The following SH3D19 variants were observed in gnomAD, a reference collection of about 807,000 sequenced individuals.
The protein encoded by SH3D19 is SH3 domain-containing protein 19.
A neutral mutation model predicts 112.1 loss-of-function variants in SH3D19; 58 were observed. That is an observed-to-expected ratio of 0.52 (90% CI 0.42 to 0.64). SH3D19 has a LOEUF of 0.64. SH3D19 is among the 30% of genes least tolerant of loss of function. The probability of loss-of-function intolerance (pLI) is 0.00; values close to 1 mark genes in which losing one functional copy is unlikely to be tolerated. For synonymous variants in SH3D19, 391 were observed against 448.5 expected (o/e 0.87, Z 1.62); for missense variants, 1,090 against 1,263.4 (o/e 0.86, Z 2.08).
chr4:151,273,951 A>C (rs1464330647), intron 1 of SH3D19, among the ~76,000 whole-genome samples: 1 of 152,324 alleles, frequency 6.6e-6, no homozygotes, highest in South Asian at 2.1e-4. Context: ...TGCCGGTTGT[A>C]ATGTTAATTT....
chr4:151,164,296 G>A (rs11099788), intron 8 of SH3D19, among the ~76,000 whole-genome samples: 128,459 of 152,120 alleles, frequency 0.84, 55,357 homozygotes, highest in Non-Finnish European at 0.95. Context: ...TCAGATGCCC[G>A]CAGAGAAAGC....
At chr4:151,197,797 C>T (rs1763697834) in intron 2 of SH3D19, among the ~76,000 whole-genome samples, 2 of 152,084 alleles carry the variant, frequency 1.3e-5, no homozygotes, top group Admixed American at 6.6e-5. Context: ...AAAACAAATA[C>T]ATATTTTAAG....
intron 1 of SH3D19, among the ~76,000 whole-genome samples, chr4:151,244,626 G>A (rs988532965): frequency 2.0e-5 from 3 of 152,226 alleles, no homozygotes; most frequent in African/African-American, 7.2e-5. Context: ...AGTGTGTACA[G>A]TCAAGTGAAA....
At chr4:151,270,259 T>C (rs550269040) in intron 1 of SH3D19, among the ~76,000 whole-genome samples, 56 of 152,290 alleles carry the variant, frequency 3.7e-4, no homozygotes, top group Admixed American at 9.2e-4. Context: ...TGGGAGGTGA[T>C]TGGATCACAG....
Position 151,183,251 on chromosome 4 carries a change from C to T in SH3D19, c.194-3854G>A, listed in dbSNP as rs186105648. Among the ~76,000 whole-genome samples, 522 of 152,238 alleles carry T rather than the reference C, an allele frequency of 3.4e-3. 5 individuals are homozygous for T. Among genetic ancestry groups the T allele is most frequent in the African/African-American group, 0.012 (489 of 41,530 alleles). ...AGGTGATCCGCCCGCCTCAGCCTCCCAAAGTGCTGGGATTATAGGTGTGAG... is the reference window on the plus strand; with the variant it reads ...AGGTGATCCGCCCGCCTCAGCCTCCTAAAGTGCTGGGATTATAGGTGTGAG... On this transcript the variant is annotated intron_variant, in intron 3 of 19. Transcript: ENST00000604030.
At position 151,318,580 on chromosome 4, in the gene SH3D19, C is replaced by T. The variant is rs565361428; in HGVS notation, c.112+6661G>A. ...TATTCCCAAGTGAAGAAAATGCAGA[C>T]TCAACTGTGAAATATTTTATCAATA... On this transcript the variant is annotated intron_variant, in intron 1 of 19. Transcript: ENST00000604030. Among the ~76,000 whole-genome samples, 24 of 152,202 alleles carry T rather than the reference C, an allele frequency of 1.6e-4. No homozygotes were observed. The South Asian group carries it at 2.3e-3, about 14-fold the overall frequency.
At chr4:151,287,245 G>C (rs1261012162) in intron 1 of SH3D19, among the ~76,000 whole-genome samples, 3 of 150,832 alleles carry the variant, frequency 2.0e-5, no homozygotes, top group African/African-American at 7.3e-5. Context: ...GGAGGCTGAG[G>C]GAGGAGAATC....
At chr4:151,305,722 T>C in intron 1 of SH3D19, among the ~76,000 whole-genome samples, 1 of 152,248 alleles carries the variant, frequency 6.6e-6, no homozygotes, top group Non-Finnish European at 1.5e-5. Flanking sequence ...CATACATTGC[T>C]GGTGATAACA....
intron 2 of SH3D19, among the ~76,000 whole-genome samples, chr4:151,200,435 T>C (rs960784188): frequency 4.6e-5 from 7 of 152,196 alleles, no homozygotes; most frequent in African/African-American, 1.7e-4. Context: ...AAACTTACAA[T>C]TAAAGTAAAG....
Position 151,149,548 on chromosome 4 carries a change from G to A in SH3D19, c.1769C>T (p.Pro590Leu). ...ERTRNLESNH[P>L]GQTGGFVRVP... ...TCGCACAAAACCTCCTGTTTGACCT[G>A]GGTGGTTGGATTCCTGCAAGTAGCA... Residue 590 changes from proline (P) to leucine (L), a missense_variant, in exon 10 of 20, where the codon CCA becomes CTA. Pro to Leu is a moderately conservative substitution (Grantham distance 98). Coordinates refer to ENST00000604030, the MANE Select transcript of SH3D19 (RefSeq NM_001378122.1). The A allele has an allele frequency of 6.2e-7, 1 of 1,611,264 alleles. No individual in the cohort carries two copies. The highest frequency in any genetic ancestry group is 8.5e-7 in the Non-Finnish European group (1 of 1,178,576).
chr4:151,272,012 T>C (rs1773263548), intron 1 of SH3D19, among the ~76,000 whole-genome samples: 2 of 152,178 alleles, frequency 1.3e-5, no homozygotes, highest in African/African-American at 4.8e-5. Flanking sequence ...CTGTAAGAGC[T>C]GTGTTCAGGA....
chr4:151,291,807 C>T (rs951658393), intron 1 of SH3D19, among the ~76,000 whole-genome samples: 5 of 152,130 alleles, frequency 3.3e-5, no homozygotes, highest in Non-Finnish European at 7.3e-5. Context: ...GGGTCTACCT[C>T]GTGCCCATGG....
At chr4:151,233,775 C>A (rs557149544) in intron 1 of SH3D19, among the ~76,000 whole-genome samples, 1 of 152,294 alleles carries the variant, frequency 6.6e-6, no homozygotes, top group African/African-American at 2.4e-5. Context: ...TCAGACTATC[C>A]GTCTATAGCA....
At chr4:151,145,113 C>T (rs994907610) in intron 11 of SH3D19, among the ~76,000 whole-genome samples, 1 of 152,130 alleles carries the variant, frequency 6.6e-6, no homozygotes, top group South Asian at 2.1e-4. Context: ...TACCCAGATT[C>T]CTGGCTAGCA....
intron 2 of SH3D19, among the ~76,000 whole-genome samples, chr4:151,198,179 C>G (rs1763763158): frequency 6.6e-6 from 1 of 151,180 alleles, no homozygotes; most frequent in Non-Finnish European, 1.5e-5. Flanking sequence ...GTGGCACATG[C>G]CTGTAGTCCC....
chr4:151,272,169 T>A (rs1381138116), intron 1 of SH3D19, among the ~76,000 whole-genome samples: 1 of 152,196 alleles, frequency 6.6e-6, no homozygotes, highest in South Asian at 2.1e-4. Flanking sequence ...TATAGACAGA[T>A]AATGTAGGCA....
chr4:151,195,390 AAAAAAAAGAAAAAG>A (rs1561320978), intron 2 of SH3D19, among the ~76,000 whole-genome samples: 6 of 140,600 alleles, frequency 4.3e-5, no homozygotes, highest in African/African-American at 1.9e-4. Flanking sequence ...AAAAAAAAAA[AAAAAAAAGAAAAAG>A]AAAAAAAGAG....
chr4:151,318,318 AAAAG>A (rs1177642185), intron 1 of SH3D19, among the ~76,000 whole-genome samples: 1 of 149,796 alleles, frequency 6.7e-6, no homozygotes, highest in Non-Finnish European at 1.5e-5. Context: ...AAAAAAAAAA[AAAAG>A]AAAGAAAGAA....
intron 2 of SH3D19, among the ~76,000 whole-genome samples, chr4:151,213,325 GTGGCAAACTTCA>G (rs1766287709): frequency 6.6e-6 from 1 of 152,190 alleles, no homozygotes; most frequent in Non-Finnish European, 1.5e-5. Context: ...GTCAATCGAT[GTGGCAAACTTCA>G]TGGCTGTCTT....
Sources: allele counts gnomAD v4.1 joint callset (sites outside exome capture counted in the v4.1 genomes callset), GRCh38; gene constraint gnomAD v4.1.1; transcripts MANE v1.5; gene names NCBI Gene and HGNC (gene_info 2026-07-23, HGNC 2026-07-21).